LASP1: variants seen among roughly 807,000 people sequenced by gnomAD.
LASP1 encodes the protein LIM and SH3 domain protein 1.
In LASP1, 10 loss-of-function variants were observed where a neutral mutation model predicts 38.6. The observed-to-expected ratio is 0.26, with a 90% CI of 0.16 to 0.44. The LOEUF is 0.44. Among genes scored for constraint, LASP1 ranks in the 20% least tolerant of loss-of-function variants. The pLI, the probability that LASP1 is intolerant of heterozygous loss-of-function variation, is 1.00. For missense variants in LASP1, 243 were observed against 375.7 expected (o/e 0.65, Z 2.92); for synonymous variants, 132 against 140.8 (o/e 0.94, Z 0.44).
chr17:38,911,634 G>A (rs750306296), intron 4 of LASP1, among the ~76,000 whole-genome samples: 3 of 152,192 alleles, frequency 2.0e-5, no homozygotes, highest in Non-Finnish European at 4.4e-5. Context: ...CAGGGCATGG[G>A]CCCCGTGTCT....
intron 2 of LASP1, among the ~76,000 whole-genome samples, chr17:38,889,304 T>G (rs966502372): frequency 2.0e-5 from 3 of 152,188 alleles, no homozygotes; most frequent in Non-Finnish European, 2.9e-5. Flanking sequence ...CTAATTTTTG[T>G]ATTTTTAGTG....
chr17:38,879,657 G>C (rs1353297402), intron 2 of LASP1, among the ~76,000 whole-genome samples: 1 of 151,514 alleles, frequency 6.6e-6, no homozygotes, highest in African/African-American at 2.4e-5. Flanking sequence ...GTCTAAAAAG[G>C]GGGCTTAAAC....
intron 4 of LASP1, among the ~76,000 whole-genome samples, chr17:38,907,703 C>G (rs2143810707): frequency 6.6e-6 from 1 of 152,292 alleles, no homozygotes; most frequent in South Asian, 2.1e-4. Context: ...GTTCAGGCAG[C>G]TACTCCTCCA....
chr17:38,907,205 C>A (rs1914797732), intron 4 of LASP1, among the ~76,000 whole-genome samples: 1 of 152,114 alleles, frequency 6.6e-6, no homozygotes, highest in Non-Finnish European at 1.5e-5. Context: ...CCAAGTGGGC[C>A]CAGGCTGGAA....
At chr17:38,908,590 G>C (rs1272274819) in intron 4 of LASP1, among the ~76,000 whole-genome samples, 4 of 152,246 alleles carry the variant, frequency 2.6e-5, no homozygotes, top group Non-Finnish European at 4.4e-5. Context: ...CGTGGGTGCC[G>C]GTCCTTGCTC....
In LASP1 at chr17:38,887,086, C is replaced by T. The variant is rs186911471; in HGVS notation, c.165-3334C>T. On this transcript the variant is annotated intron_variant, in intron 2 of 6. Coordinates refer to ENST00000318008, the MANE Select transcript of LASP1 (RefSeq NM_006148.4). ...GCCAATGAGAAACCCCAGGGTTTTG[C>T]AGACCGGGTCTGGAGGATGTGTTTG... 4.5e-3 allele frequency among the ~76,000 whole-genome samples: 688 copies of T among 152,288 alleles called. 9 individuals carry two copies. Among genetic ancestry groups the T allele is most frequent in the African/African-American group, 0.016 (659 of 41,554 alleles).
At chr17:38,911,789 T>TA (rs938521323) in intron 4 of LASP1, among the ~76,000 whole-genome samples, 11 of 151,588 alleles carry the variant, frequency 7.3e-5, no homozygotes, top group African/African-American at 2.7e-4. Context: ...TGACTTGTCT[T>TA]TTTTTTTTCA....
At chr17:38,882,781 G>A (rs963587815) in intron 2 of LASP1, among the ~76,000 whole-genome samples, 1 of 152,190 alleles carries the variant, frequency 6.6e-6, no homozygotes, top group South Asian at 2.1e-4. Context: ...CAGGAGGCAG[G>A]GTTGCCAGCC....
intron 4 of LASP1, among the ~76,000 whole-genome samples, chr17:38,912,946 A>T (rs940023511): frequency 6.6e-6 from 1 of 152,172 alleles, no homozygotes; most frequent in Non-Finnish European, 1.5e-5. Context: ...TGATGGAGGT[A>T]GCAGGGGCTC....
intron 2 of LASP1, among the ~76,000 whole-genome samples, chr17:38,878,806 C>T (rs1913856884): frequency 6.6e-6 from 1 of 152,150 alleles, no homozygotes; most frequent in Non-Finnish European, 1.5e-5. Context: ...TCTTCCCTGC[C>T]TGGTGAGGGA....
At chr17:38,871,800 G>A (rs1913616947) in intron 1 of LASP1, among the ~76,000 whole-genome samples, 1 of 152,048 alleles carries the variant, frequency 6.6e-6, no homozygotes, top group South Asian at 2.1e-4. Context: ...GAGAGGAGGG[G>A]GTATATTGTG....
Position 38,918,679 on chromosome 17 carries a change from C to T in LASP1, c.687C>T (p.Ile229=), listed in dbSNP as rs3744075. Residue 229 remains isoleucine, a synonymous_variant, in exon 7 of 7, where the codon ATC becomes ATT. Coordinates refer to ENST00000318008, the MANE Select transcript of LASP1 (RefSeq NM_006148.4). The surrounding 1 kb of genome is among the most constrained non-coding windows in gnomAD (Gnocchi z 4.4). Reference sequence around the variant, plus strand: ...TCTCCTTCCAGGACGGGGACACCATCGTCAACGTGCAGCAGATCGACGACG... The same window carrying T: ...TCTCCTTCCAGGACGGGGACACCATTGTCAACGTGCAGCAGATCGACGACG... The part of the protein sequence containing the change: ...DEVSFQDGDT[I]VNVQQIDDGW... 0.069 allele frequency: 111,100 copies of T among 1,613,888 alleles called. 4,060 individuals carry two copies. The highest frequency in any genetic ancestry group is 0.09 in the East Asian group (4,054 of 44,868).
intron 2 of LASP1, among the ~76,000 whole-genome samples, chr17:38,883,719 A>G (rs1418126168): frequency 2.1e-5 from 3 of 144,582 alleles, no homozygotes; most frequent in Non-Finnish European, 3.0e-5. Context: ...TTTCTCTTCT[A>G]TATTACCGAC....
intron 2 of LASP1, among the ~76,000 whole-genome samples, chr17:38,881,293 A>G (rs1913942944): frequency 6.6e-6 from 1 of 151,934 alleles, no homozygotes; most frequent in South Asian, 2.1e-4. Flanking sequence ...AAGGTCTCCA[A>G]AAAAACTTCG....
chr17:38,894,198 G>A (rs537888816), intron 3 of LASP1, among the ~76,000 whole-genome samples: 21 of 152,190 alleles, frequency 1.4e-4, no homozygotes, highest in African/African-American at 5.1e-4. Flanking sequence ...GCTGAGCAGA[G>A]GCAGTGGCTT....
chr17:38,892,297 G>A (rs1914351415), intron 3 of LASP1, among the ~76,000 whole-genome samples: 1 of 152,184 alleles, frequency 6.6e-6, no homozygotes, highest in African/African-American at 2.4e-5. Flanking sequence ...GCACAGCCCT[G>A]GTAGGGCCTG....
Position 38,919,222 on chromosome 17 carries a change from G to A in LASP1, c.*444G>A. 7.6e-6 allele frequency: 2 copies of A among 264,062 alleles called. No individual in the cohort carries two copies. Among genetic ancestry groups the A allele is most frequent in the Admixed American group, 4.8e-5 (1 of 20,970 alleles). 16.4% of individuals were successfully genotyped at this position (264,062 alleles called of 1,614,324 possible). A position where few individuals can be genotyped will look rare whatever the true frequency, so the allele number is the denominator to read the frequency against. On this transcript the variant is annotated 3_prime_UTR_variant, in exon 7 of 7. Coordinates refer to ENST00000318008, the MANE Select transcript of LASP1 (RefSeq NM_006148.4). ...AGTGGGATCCACTTCTTGGTTCCTG[G>A]GATGGCGATGGGGACTCTGCCGCTG... is the stretch of plus-strand genomic sequence containing the variant.
chr17:38,879,526 T>G, intron 2 of LASP1, among the ~76,000 whole-genome samples: 1 of 151,712 alleles, frequency 6.6e-6, no homozygotes. Flanking sequence ...AATGGTAATT[T>G]CAGTGTTCAC....
chr17:38,899,024 C>T, intron 4 of LASP1: 1 of 342,750 alleles, frequency 2.9e-6, no homozygotes, highest in Admixed American at 3.8e-5. Flanking sequence ...CCCTGGCTCA[C>T]ACCCCCCGCC....
Sources: allele counts gnomAD v4.1 joint callset (sites outside exome capture counted in the v4.1 genomes callset), GRCh38; gene constraint gnomAD v4.1.1; non-coding constraint Gnocchi (gnomAD v3.1); transcripts MANE v1.5; gene names NCBI Gene and HGNC (gene_info 2026-07-23, HGNC 2026-07-21).